The following WDTC1 variants were observed in gnomAD, a reference collection of about 807,000 sequenced individuals.
WDTC1 encodes the protein WD and tetratricopeptide repeats protein 1.
WDTC1 carries 12 observed loss-of-function variants against 76.0 expected under a neutral mutation model. The observed-to-expected ratio is 0.16, with a 90% CI of 0.10 to 0.26. The LOEUF (loss-of-function observed/expected upper bound fraction) is 0.26, where lower values mean the gene tolerates loss of function less well. Ranked by LOEUF, WDTC1 falls within the 10% of genes least tolerant of loss-of-function variation. The probability of loss-of-function intolerance (pLI) is 1.00; values close to 1 mark genes in which losing one functional copy is unlikely to be tolerated. For missense variants in WDTC1, 511 were observed against 908.8 expected, an observed-to-expected ratio of 0.56 and a Z score of 5.63; for synonymous variants, 326 against 350.8, an observed-to-expected ratio of 0.93 and a Z score of 0.79.
intron 1 of WDTC1, among the ~76,000 whole-genome samples, chr1:27,243,325 G>A (rs143968757): frequency 0.035 from 5,256 of 148,454 alleles, 131 homozygotes; most frequent in Middle Eastern, 0.053. Context: ...TGATTCTCCT[G>A]CCTCAGCCTC....
rs1234680768 is a variant in WDTC1 at position 27,264,728 on chromosome 1, G to A, written c.132+1493G>A. 2.0e-5 allele frequency among the ~76,000 whole-genome samples: 3 copies of A among 152,012 alleles called. No homozygotes were observed. The East Asian group carries it at 5.8e-4, about 29-fold the overall frequency. On this transcript the variant is annotated intron_variant, in intron 3 of 15. Coordinates refer to ENST00000319394, the MANE Select transcript of WDTC1 (RefSeq NM_001276252.2). The stretch of plus-strand genomic sequence containing the variant: ...ATCTCCAATTCCTGACCTCAAACAG[G>A]TCTCTCACCTTGGCCTCCCAAAGTG...
intron 1 of WDTC1, among the ~76,000 whole-genome samples, chr1:27,246,351 C>T (rs138379312): frequency 9.5e-4 from 144 of 152,328 alleles, no homozygotes; most frequent in African/African-American, 3.1e-3. Flanking sequence ...GCTTCCTTCA[C>T]TTAGCAGAAT....
In WDTC1 at chr1:27,304,995, C is replaced by T. The variant is rs530665918; in HGVS notation, c.1644-6C>T. On this transcript the variant is annotated splice_polypyrimidine_tract_variant and splice_region_variant and intron_variant, in intron 14 of 15. Transcript: ENST00000319394. ...CTGACCTCCCTGCCCTTTGCCCCCC[C>T]GCCAGCAACGCTCAGTATATCGTCA... 13 of 1,609,120 alleles carry T rather than the reference C, an allele frequency of 8.1e-6. No individual in the cohort carries two copies. Among genetic ancestry groups the T allele is most frequent in the East Asian group, 4.5e-5 (2 of 44,760 alleles).
intron 12 of WDTC1, 136 bp downstream of exon 12, chr1:27,298,247 C>A: frequency 1.8e-6 from 2 of 1,097,040 alleles, no homozygotes; most frequent in Non-Finnish European, 2.5e-6. Flanking sequence ...CCTCTTAGGG[C>A]TTCTTGGCCT....
At chr1:27,269,446 C>G (rs1308708212) in intron 3 of WDTC1, among the ~76,000 whole-genome samples, 1 of 151,158 alleles carries the variant, frequency 6.6e-6, no homozygotes, top group Non-Finnish European at 1.5e-5. Context: ...TCACAAAGTC[C>G]AAGTGGAAGA....
intron 6 of WDTC1, among the ~76,000 whole-genome samples, chr1:27,289,157 G>T (rs1025769887): frequency 6.7e-6 from 1 of 149,228 alleles, no homozygotes; most frequent in Non-Finnish European, 1.5e-5. Flanking sequence ...AGGGGCGGCC[G>T]GGCAGAGGCG....
At position 27,301,197 on chromosome 1, in the gene WDTC1, C is replaced by T. The variant is rs1308939430; in HGVS notation, c.1233-29C>T. ...CCCCTTGCTTGCCACGTGGCTCCAC[C>T]TCCAAGCCGCTCTTCCCTGCCTTCC... On this transcript the variant is annotated intron_variant, in intron 12 of 15. Transcript: ENST00000319394. This position sits in a 1 kb window ranked among gnomAD's most constrained non-coding sequence, Gnocchi z 5.8. 9 of 1,607,772 alleles carry T rather than the reference C, an allele frequency of 5.6e-6. No individual in the cohort carries two copies. The highest frequency in any genetic ancestry group is 7.7e-6 in the Non-Finnish European group (9 of 1,175,868).
intron 7 of WDTC1, among the ~76,000 whole-genome samples, chr1:27,292,770 T>TC (rs2013572356): frequency 7.0e-6 from 1 of 143,010 alleles, no homozygotes; most frequent in South Asian, 2.3e-4. Flanking sequence ...TTTTTTTTTT[T>TC]TTTTTTTTTG....
chr1:27,273,820 CGTGTGTGTGT>C (rs138243935), intron 3 of WDTC1, among the ~76,000 whole-genome samples: 2 of 148,026 alleles, frequency 1.4e-5, no homozygotes, highest in Admixed American at 6.8e-5. Flanking sequence ...GTACTTTACA[CGTGTGTGTGT>C]GTGTGTGTGT....
At chr1:27,277,825 G>C (rs999678157) in intron 3 of WDTC1, among the ~76,000 whole-genome samples, 3 of 151,902 alleles carry the variant, frequency 2.0e-5, no homozygotes, top group Non-Finnish European at 4.4e-5. Context: ...TTCCATATGA[G>C]CTTTATTTTA....
chr1:27,283,691 T>C (rs962955602), intron 5 of WDTC1, among the ~76,000 whole-genome samples: 1 of 152,120 alleles, frequency 6.6e-6, no homozygotes, highest in Non-Finnish European at 1.5e-5. Flanking sequence ...ATGGTAGTGG[T>C]GGGGGTATGG....
At chr1:27,278,151 C>T (rs1414130032) in intron 3 of WDTC1, among the ~76,000 whole-genome samples, 2 of 152,130 alleles carry the variant, frequency 1.3e-5, no homozygotes, top group African/African-American at 2.4e-5. Context: ...CCCATATGAG[C>T]TTTAAATTCA....
At chr1:27,263,079 G>GAT in intron 2 of WDTC1, 73 bp from the exon 3 acceptor site, 1 of 1,529,832 alleles carries the variant, frequency 6.5e-7, no homozygotes, top group Non-Finnish European at 9.0e-7. Context: ...GAAAGAGCTG[G>GAT]ATATATAATA....
chr1:27,283,138 CAAA>C (rs375107200), intron 4 of WDTC1, among the ~76,000 whole-genome samples, 197 bp from the exon 5 acceptor site: 1 of 108,546 alleles, frequency 9.2e-6, no homozygotes. Context: ...GACTCCATTT[CAAA>C]AAAAAAAAAA....
intron 10 of WDTC1, 37 bp downstream of exon 10, chr1:27,296,438 G>C: frequency 6.2e-7 from 1 of 1,609,714 alleles, no homozygotes. Context: ...CTGCGGCGGT[G>C]TAGGGGAGCT....
At chr1:27,246,625 G>A (rs1464770622) in intron 1 of WDTC1, among the ~76,000 whole-genome samples, 1 of 151,442 alleles carries the variant, frequency 6.6e-6, no homozygotes, top group African/African-American at 2.4e-5. Context: ...GCAATGGCAC[G>A]ATCTGGGCTT....
intron 6 of WDTC1, among the ~76,000 whole-genome samples, chr1:27,290,896 C>T (rs2013516974): frequency 6.6e-6 from 1 of 152,202 alleles, no homozygotes; most frequent in Non-Finnish European, 1.5e-5. Flanking sequence ...CAATCGCACT[C>T]AGTATTTGAC....
intron 1 of WDTC1, among the ~76,000 whole-genome samples, chr1:27,258,189 A>G (rs1307860536): frequency 6.6e-6 from 1 of 151,380 alleles, no homozygotes; most frequent in Non-Finnish European, 1.5e-5. Flanking sequence ...GCTTGAGCCT[A>G]GGAGTTTGAG....
At chr1:27,283,834 G>A (rs561337080) in intron 5 of WDTC1, among the ~76,000 whole-genome samples, 204 of 152,278 alleles carry the variant, frequency 1.3e-3, no homozygotes, top group African/African-American at 4.8e-3. Context: ...AGGAAGCAGC[G>A]AAGGAAAATC....
Sources: gnomAD v4.1 joint callset for allele counts (sites outside exome capture counted in the v4.1 genomes callset) on GRCh38, gnomAD v4.1.1 for gene constraint, Gnocchi (gnomAD v3.1) non-coding constraint, MANE v1.5 for transcripts, NCBI Gene and HGNC (gene_info 2026-07-23, HGNC 2026-07-21) for gene names.